The following MYH13 variants were observed in gnomAD, a reference collection of about 807,000 sequenced individuals.
The protein encoded by MYH13 is myosin heavy chain 13.
MYH13 carries 177 observed loss-of-function variants against 232.1 expected under a neutral mutation model. That is an observed-to-expected ratio of 0.76 (90% CI 0.67 to 0.86). The LOEUF (loss-of-function observed/expected upper bound fraction) is 0.86, where lower values mean the gene tolerates loss of function less well. Ranked by LOEUF, MYH13 falls within the 40% of genes least tolerant of loss-of-function variation. The pLI is 0.00. For missense variants in MYH13, 2,246 were observed against 2,405.9 expected (o/e 0.93, Z 1.39); for synonymous variants, 884 against 923.5 (o/e 0.96, Z 0.78).
intron 11 of MYH13, among the ~76,000 whole-genome samples, chr17:10,352,341 C>T (rs56338029): frequency 0.14 from 20,729 of 152,092 alleles, 1,451 homozygotes; most frequent in East Asian, 0.15. Flanking sequence ...TCTGTAATCC[C>T]AGCACTTTGG....
In MYH13 at chr17:10,306,352, T is replaced by A; in HGVS notation, c.5466+107A>T. The A allele has an allele frequency of 6.7e-7, 1 of 1,483,944 alleles. No homozygotes were observed. The highest frequency in any genetic ancestry group is 9.2e-7 in the Non-Finnish European group (1 of 1,091,256). The allele number at this position is 1,483,944 out of a possible 1,614,324, so 91.9% of individuals were successfully genotyped here. ...TTTTTCAAGCAGTCCTGAAACTGAA[T>A]TTGCAATCTATTCATTCAGTGGCCT... On this transcript the variant is annotated intron_variant, in intron 37 of 40. Coordinates refer to ENST00000252172, the MANE Select transcript of MYH13 (RefSeq NM_003802.3). This position sits in a 1 kb window ranked among gnomAD's most constrained non-coding sequence, Gnocchi z 4.3.
chr17:10,322,880 A>G (rs1401688011), intron 23 of MYH13, among the ~76,000 whole-genome samples: 8 of 151,998 alleles, frequency 5.3e-5, no homozygotes, highest in South Asian at 4.1e-4. Flanking sequence ...TGGTCTGCCC[A>G]CCTTGGCCTC....
chr17:10,362,322 G>A, intron 4 of MYH13, 38 bp downstream of exon 4: 6 of 1,614,044 alleles, frequency 3.7e-6, no homozygotes, highest in Non-Finnish European at 5.1e-6. Context: ...TTTACTCAGA[G>A]AGAGACATGA....
chr17:10,370,777 G>A (rs113353890), intron 2 of MYH13, among the ~76,000 whole-genome samples: 14 of 152,208 alleles, frequency 9.2e-5, no homozygotes, highest in Middle Eastern at 3.4e-3. Context: ...TTACCGCACC[G>A]GGCATAGGAT....
At position 10,327,898 on chromosome 17, in the gene MYH13, C is replaced by T. The variant is rs754037722; in HGVS notation, c.2659G>A (p.Glu887Lys). The stretch of plus-strand genomic sequence containing the variant: ...ACCTGCAATTGGAGGTCATTCTTCT[C>T]CTGCAGGAGGGAGACCATTTTCTCC... ...LEEKMVSLLQ[E>K]KNDLQLQVQS... Residue 887 changes from glutamate to lysine, a missense_variant, in exon 22 of 41, where the codon GAG becomes AAG. By Grantham distance (56) the Glu-to-Lys change is moderately conservative (BLOSUM62 1). Coordinates refer to ENST00000252172, the MANE Select transcript of MYH13 (RefSeq NM_003802.3). 1.9e-6 allele frequency: 3 copies of T among 1,613,498 alleles called. No homozygotes were observed. The highest frequency in any genetic ancestry group is 1.1e-5 in the South Asian group (1 of 91,012).
chr17:10,320,316 G>C, intron 25 of MYH13, 35 bp downstream of exon 25: 2 of 1,609,428 alleles, frequency 1.2e-6, no homozygotes, highest in South Asian at 2.2e-5. Context: ...TTGGCTTTTA[G>C]GCTGAGACAC....
Position 10,330,494 on chromosome 17 carries a change from A to C in MYH13, c.2328T>G (p.Leu776=). The C allele has an allele frequency of 6.2e-7, 1 of 1,611,446 alleles. No individual in the cohort carries two copies. The highest frequency in any genetic ancestry group is 1.1e-5 in the South Asian group (1 of 90,630). ...KVFFKAGLLG[L]LEEMRDEKLV... is the part of the protein sequence containing the mutation. Reference sequence around the variant, plus strand: ...GCTTCTCATCTCTCATCTCCTCCAAAAGTCCCAGGAGCCCAGCTTTGAAAA... The same window carrying C: ...GCTTCTCATCTCTCATCTCCTCCAACAGTCCCAGGAGCCCAGCTTTGAAAA... The change falls in exon 21 of 41, where the codon CTT becomes CTG. Residue 776 remains leucine (L), a synonymous_variant. Transcript: ENST00000252172.
At position 10,350,500 on chromosome 17, in the gene MYH13, C is replaced by T. The variant is rs187642885; in HGVS notation, c.1144+56G>A. The T allele has an allele frequency of 8.7e-5, 137 of 1,575,908 alleles. No homozygotes were observed. In the South Asian group the frequency reaches 1.5e-3, roughly 18 times the overall value. On this transcript the variant is annotated intron_variant, in intron 12 of 40. Coordinates refer to ENST00000252172, the MANE Select transcript of MYH13 (RefSeq NM_003802.3). ...GAATGCAGTTTATCTCACACGGCCTCGCCCGCACATGAACATAGATGGACC... is the reference window on the plus strand; with the variant it reads ...GAATGCAGTTTATCTCACACGGCCTTGCCCGCACATGAACATAGATGGACC...
At chr17:10,358,437 T>C (rs2071765865) in intron 7 of MYH13, among the ~76,000 whole-genome samples, 1 of 152,158 alleles carries the variant, frequency 6.6e-6, no homozygotes, top group South Asian at 2.1e-4. Context: ...GTGTGGTCCC[T>C]GGACCAGCAG....
chr17:10,354,303 C>A (rs1377365853), intron 11 of MYH13, among the ~76,000 whole-genome samples: 1 of 152,160 alleles, frequency 6.6e-6, no homozygotes, highest in Admixed American at 6.5e-5. Context: ...GCTTGGTTTT[C>A]TGCTTTATAC....
At chr17:10,363,958 T>G (rs1474148379) in intron 3 of MYH13, among the ~76,000 whole-genome samples, 1 of 152,168 alleles carries the variant, frequency 6.6e-6, no homozygotes, top group African/African-American at 2.4e-5. Context: ...TTCTCCACAT[T>G]AAGTGAGTCA....
rs745887043 is a variant in MYH13, at chr17:10,362,223, C to T, written c.400G>A (p.Val134Met). 14 of 1,613,742 alleles carry T rather than the reference C, an allele frequency of 8.7e-6. No individual in the cohort carries two copies. The South Asian group carries it at 8.8e-5, about 10-fold the overall frequency. Reference protein sequence around the residue: ...VTVNPYKWLPVYKPEVVAAYR... With the variant: ...VTVNPYKWLPMYKPEVVAAYR... ...GCAGCCACCACCTCGGGCTTGTACA[C>T]CGGCAGCCACTTGTAGGGGTTGACG... Residue 134 changes from valine (V) to methionine (M), a missense_variant, in exon 5 of 41, where the codon GTG becomes ATG. By Grantham distance (21) the Val-to-Met change is conservative. Transcript: ENST00000252172.
At chr17:10,310,981 A>G in intron 33 of MYH13, 122 bp downstream of exon 33, 1 of 1,266,206 alleles carries the variant, frequency 7.9e-7, no homozygotes, top group Non-Finnish European at 1.1e-6. Flanking sequence ...GGATGGCTGA[A>G]TGTTACTCCC....
At position 10,301,551 on chromosome 17, in the gene MYH13, T is replaced by C. The variant is rs751889378; in HGVS notation, c.5802+18A>G. On this transcript the variant is annotated intron_variant, in intron 40 of 40. Coordinates refer to ENST00000252172, the MANE Select transcript of MYH13 (RefSeq NM_003802.3). ...TCTGTTCTTAGCTGGCCCCTATATC[T>C]CAGGTACCTGCTCTTACCTGGCTGC... 1 of 1,613,958 alleles carries C rather than the reference T, an allele frequency of 6.2e-7. No homozygotes were observed.
chr17:10,370,985 A>C (rs1463470422), intron 2 of MYH13, among the ~76,000 whole-genome samples: 1 of 152,188 alleles, frequency 6.6e-6, no homozygotes, highest in East Asian at 1.9e-4. Context: ...AAAATTCTGC[A>C]TTATATTTCG....
In MYH13 at chr17:10,319,000, C is replaced by G. The variant is rs1298975084; in HGVS notation, c.3528G>C (p.Gln1176His). The stretch of plus-strand genomic sequence containing the variant: ...CCTCCTCCAGGTCCCTGCGCATTTT[C>G]TGGAACTCAGCCTCCCTCTTCTTGT... ...EMNKKREAEF[Q>H]KMRRDLEEAT... Residue 1176 changes from glutamine to histidine, a missense_variant, in exon 27 of 41, where the codon CAG becomes CAC. Coordinates refer to ENST00000252172, the MANE Select transcript of MYH13 (RefSeq NM_003802.3). 6.2e-7 allele frequency: 1 copy of G among 1,614,152 alleles called. No individual in the cohort carries two copies. The highest frequency in any genetic ancestry group is 1.7e-5 in the Admixed American group (1 of 60,022).
intron 37 of MYH13, among the ~76,000 whole-genome samples, chr17:10,305,177 T>C (rs1204900211): frequency 6.6e-6 from 1 of 152,098 alleles, no homozygotes; most frequent in African/African-American, 2.4e-5. Context: ...GGGCAGGGGA[T>C]GGGAGGACAG....
chr17:10,340,384 T>G lies in MYH13; in HGVS notation c.1912A>C (p.Lys638Gln). The change falls in exon 17 of 41, where the codon AAG becomes CAG. Residue 638 changes from lysine (K) to glutamine (Q), a missense_variant. Physicochemically the swap from Lys to Gln is moderately conservative, Grantham distance 53. Coordinates refer to ENST00000252172, the MANE Select transcript of MYH13 (RefSeq NM_003802.3). ...GAETGDSGGS[K>Q]KGGKKKGSSF... Reference sequence around the variant, plus strand: ...GAGCCCTTCTTCTTCCCGCCCTTCTTGCTTCCTCCGGAGTCGCCTGGAGAC... The same window carrying G: ...GAGCCCTTCTTCTTCCCGCCCTTCTGGCTTCCTCCGGAGTCGCCTGGAGAC... The G allele has an allele frequency of 6.2e-7, 1 of 1,613,772 alleles. No homozygotes were observed. Among genetic ancestry groups the G allele is most frequent in the Non-Finnish European group, 8.5e-7 (1 of 1,179,776 alleles).
rs200552178 is a variant in MYH13 at position 10,362,199 on chromosome 17, C to G, written c.424G>C (p.Ala142Pro). The G allele has an allele frequency of 1.9e-6, 3 of 1,613,942 alleles. No individual in the cohort carries two copies. Among genetic ancestry groups the G allele is most frequent in the Non-Finnish European group, 1.7e-6 (2 of 1,179,868 alleles). The stretch of plus-strand genomic sequence containing the variant: ...TCCTGGCGCTTTTTGCCTCTGTAGG[C>G]AGCCACCACCTCGGGCTTGTACACC... ...LPVYKPEVVA[A>P]YRGKKRQEAP... is the part of the protein sequence containing the mutation. Residue 142 changes from alanine to proline, a missense_variant, in exon 5 of 41, where the codon GCC becomes CCC. Transcript: ENST00000252172.
Sources: gnomAD v4.1 joint callset for allele counts (sites outside exome capture counted in the v4.1 genomes callset) on GRCh38, gnomAD v4.1.1 for gene constraint, Gnocchi (gnomAD v3.1) non-coding constraint, MANE v1.5 for transcripts, NCBI Gene and HGNC (gene_info 2026-07-23, HGNC 2026-07-21) for gene names.